DPYSL5: variants seen among roughly 807,000 people sequenced by gnomAD.
DPYSL5 encodes the protein dihydropyrimidinase-related protein 5.
DPYSL5 carries 9 observed loss-of-function variants against 58.4 expected under a neutral mutation model. The observed-to-expected ratio is 0.15, with a 90% CI of 0.09 to 0.27. The LOEUF (loss-of-function observed/expected upper bound fraction) is 0.27, where lower values mean the gene tolerates loss of function less well. DPYSL5 is among the 10% of genes least tolerant of loss of function. The pLI is 1.00. For synonymous variants in DPYSL5, 293 were observed against 301.9 expected, an observed-to-expected ratio of 0.97 and a Z score of 0.31; for missense variants, 499 against 770.6, an observed-to-expected ratio of 0.65 and a Z score of 4.17.
At chr2:26,872,403 G>C (rs541548836) in intron 1 of DPYSL5, among the ~76,000 whole-genome samples, 53 of 152,132 alleles carry the variant, frequency 3.5e-4, no homozygotes, top group Non-Finnish European at 6.3e-4. Flanking sequence ...AAGTAAAAAA[G>C]TTAATGGGCC....
Position 26,898,815 on chromosome 2 carries a change from C to A in DPYSL5, c.261+55C>A. On this transcript the variant is annotated intron_variant, in intron 2 of 12. Coordinates refer to ENST00000288699, the MANE Select transcript of DPYSL5 (RefSeq NM_020134.4). The surrounding 1 kb of genome is among the most constrained non-coding windows in gnomAD (Gnocchi z 6.1). ...CCTCTTTGGCTTTTTTATTCTGCTT[C>A]TAGGGCTGCTCCAGACTAGACTCAT... The A allele has an allele frequency of 6.4e-7, 1 of 1,557,178 alleles. No individual in the cohort carries two copies. Among genetic ancestry groups the A allele is most frequent in the African/African-American group, 1.4e-5 (1 of 73,770 alleles).
intron 2 of DPYSL5, among the ~76,000 whole-genome samples, chr2:26,911,648 T>C (rs1664444631): frequency 6.6e-6 from 1 of 151,952 alleles, no homozygotes; most frequent in Non-Finnish European, 1.5e-5. Context: ...AGAAGAGGGG[T>C]AGGCTGGGGG....
chr2:26,892,283 A>T (rs2148132529), intron 1 of DPYSL5, among the ~76,000 whole-genome samples: 1 of 152,326 alleles, frequency 6.6e-6, no homozygotes, highest in Admixed American at 6.5e-5. Context: ...AGTGCCAGGC[A>T]CAGGGTGTTT....
chr2:26,911,549 G>A (rs149378875), intron 2 of DPYSL5, among the ~76,000 whole-genome samples: 6 of 152,178 alleles, frequency 3.9e-5, no homozygotes, highest in African/African-American at 9.6e-5. Context: ...TATTGTCTTC[G>A]TATCATCCAT....
chr2:26,864,117 C>T (rs750167475), intron 1 of DPYSL5, among the ~76,000 whole-genome samples: 4 of 152,068 alleles, frequency 2.6e-5, no homozygotes, highest in South Asian at 4.1e-4. Context: ...TAGTGGTGCG[C>T]GCCTGTAGTC....
intron 12 of DPYSL5, among the ~76,000 whole-genome samples, chr2:26,945,810 C>T (rs1259518311): frequency 6.6e-6 from 1 of 152,228 alleles, no homozygotes; most frequent in Non-Finnish European, 1.5e-5. Flanking sequence ...GGGAGACAAG[C>T]CCCATACACA....
chr2:26,884,170 C>T (rs1191795474), intron 1 of DPYSL5, among the ~76,000 whole-genome samples: 6 of 152,128 alleles, frequency 3.9e-5, no homozygotes, highest in South Asian at 2.1e-4. Flanking sequence ...GCCGGGTGGG[C>T]GAGGTGCTGG....
chr2:26,940,267 C>T (rs925322358), intron 9 of DPYSL5, 95 bp downstream of exon 9: 1 of 1,447,768 alleles, frequency 6.9e-7, no homozygotes, highest in African/African-American at 1.4e-5. Context: ...CTCCTCAGAT[C>T]CTGTCAAAGA....
chr2:26,895,635 A>G (rs1413928556), intron 1 of DPYSL5, among the ~76,000 whole-genome samples: 1 of 152,154 alleles, frequency 6.6e-6, no homozygotes, highest in Non-Finnish European at 1.5e-5. Context: ...ATTATTAACT[A>G]TAGTCACCAT....
At position 26,934,453 on chromosome 2, in the gene DPYSL5, G is replaced by A. The variant is rs929984525; in HGVS notation, c.791-125G>A. On this transcript the variant is annotated intron_variant, in intron 7 of 12. Coordinates refer to ENST00000288699, the MANE Select transcript of DPYSL5 (RefSeq NM_020134.4). This position sits in a 1 kb window ranked among gnomAD's most constrained non-coding sequence, Gnocchi z 4.3. ...CCAGCTGTGCTCTTAAAAGCCCTGT[G>A]AGCTTGGGCAGGTCCCTTCCTGTCT... 1.7e-6 allele frequency: 2 copies of A among 1,172,942 alleles called. No individual in the cohort carries two copies. Among genetic ancestry groups the A allele is most frequent in the Admixed American group, 5.0e-5 (2 of 40,260 alleles). The allele number at this position is 1,172,942 out of a possible 1,614,324, so 72.7% of individuals were successfully genotyped here.
chr2:26,939,873 C>T, intron 8 of DPYSL5, 158 bp from the exon 9 acceptor site: 1 of 848,982 alleles, frequency 1.2e-6, no homozygotes, highest in Non-Finnish European at 1.9e-6. Context: ...CACATAGATG[C>T]AGTAACTCAC....
chr2:26,855,702 T>G (rs142219850), intron 1 of DPYSL5, among the ~76,000 whole-genome samples: 3 of 152,166 alleles, frequency 2.0e-5, no homozygotes, highest in Admixed American at 2.0e-4. Context: ...GCCCCTTTGT[T>G]GATTTCAAAT....
intron 1 of DPYSL5, among the ~76,000 whole-genome samples, chr2:26,855,123 T>C (rs1361654041): frequency 2.6e-5 from 4 of 151,406 alleles, no homozygotes; most frequent in Non-Finnish European, 5.9e-5. Flanking sequence ...TGGCCTCCCT[T>C]TTAAATTAGA....
chr2:26,905,919 CA>C lies in DPYSL5; in HGVS notation c.261+7161del, dbSNP rs1664276450. On this transcript the variant is annotated intron_variant, in intron 2 of 12. Coordinates refer to ENST00000288699, the MANE Select transcript of DPYSL5 (RefSeq NM_020134.4). The surrounding 1 kb of genome is among the most constrained non-coding windows in gnomAD (Gnocchi z 4.0). ...GCCTCGCAAGCCGCCATCCAGGTGT[CA>C]ATGGGCTGCATTCTCATCTGGAGTC... Among the ~76,000 whole-genome samples the C allele has an allele frequency of 6.6e-6, 1 of 152,160 alleles. No homozygotes were observed. Among genetic ancestry groups the C allele is most frequent in the Non-Finnish European group, 1.5e-5 (1 of 68,040 alleles).
chr2:26,927,106 G>C lies in DPYSL5; in HGVS notation c.421-147G>C. The C allele has an allele frequency of 1.3e-6, 1 of 776,256 alleles. No homozygotes were observed. The highest frequency in any genetic ancestry group is 2.0e-6 in the Non-Finnish European group (1 of 498,222). 48.1% of individuals were successfully genotyped at this position (776,256 alleles called of 1,614,324 possible). On this transcript the variant is annotated intron_variant, in intron 3 of 12. Coordinates refer to ENST00000288699, the MANE Select transcript of DPYSL5 (RefSeq NM_020134.4). This position sits in a 1 kb window ranked among gnomAD's most constrained non-coding sequence, Gnocchi z 4.3. ...CCTCACAGCAGCCTGTGGGGTGGGA[G>C]GAAAGTGAGATAGAGAGGTGTGGGG...
chr2:26,874,554 C>T (rs943263773), intron 1 of DPYSL5, among the ~76,000 whole-genome samples: 2 of 152,230 alleles, frequency 1.3e-5, no homozygotes, highest in African/African-American at 2.4e-5. Flanking sequence ...TCTAGAATCT[C>T]TATTCTGTAT....
At chr2:26,917,475 G>A (rs969668330) in intron 2 of DPYSL5, among the ~76,000 whole-genome samples, 3 of 152,082 alleles carry the variant, frequency 2.0e-5, no homozygotes, top group Admixed American at 6.5e-5. Context: ...TGCATCTCTC[G>A]GATGCCCTGG....
In DPYSL5 at chr2:26,904,714, G is replaced by T. The variant is rs569163246; in HGVS notation, c.261+5954G>T. 2.4e-4 allele frequency among the ~76,000 whole-genome samples: 36 copies of T among 152,156 alleles called. No individual in the cohort carries two copies. The South Asian group carries it at 4.4e-3, about 18-fold the overall frequency. ...GCCCAGGAGTTTGAGAGCAGCCTGG[G>T]CAACATGGCAAAACCCCATCTCTAC... On this transcript the variant is annotated intron_variant, in intron 2 of 12. Transcript: ENST00000288699.
chr2:26,902,545 A>T (rs1664184651), intron 2 of DPYSL5, among the ~76,000 whole-genome samples: 1 of 152,044 alleles, frequency 6.6e-6, no homozygotes, highest in South Asian at 2.1e-4. Flanking sequence ...CTGCCTCCCT[A>T]TCCCTACAAA....
Sources: gnomAD v4.1 joint callset for allele counts (sites outside exome capture counted in the v4.1 genomes callset) on GRCh38, gnomAD v4.1.1 for gene constraint, Gnocchi (gnomAD v3.1) non-coding constraint, MANE v1.5 for transcripts, NCBI Gene and HGNC (gene_info 2026-07-23, HGNC 2026-07-21) for gene names.